Variants in NBPF12 observed in about 807,000 individuals in gnomAD.
The protein encoded by NBPF12 is NBPF member 12.
In NBPF12, 115 loss-of-function variants were observed where a neutral mutation model predicts 146.4. The ratio of observed to expected loss-of-function variants is 0.79; its 90% CI spans 0.68 to 0.92. The LOEUF (loss-of-function observed/expected upper bound fraction) is 0.92. Among genes scored for constraint, NBPF12 ranks in the 40% least tolerant of loss-of-function variants. NBPF12 has a pLI of 0.00. For synonymous variants in NBPF12, 385 were observed against 508.9 expected (o/e 0.76, Z 3.28); for missense variants, 1,205 against 1,326.8 (o/e 0.91, Z 1.43).
chr1:146,946,408 C>G (rs1175628941), upstream of NBPF12, among the ~76,000 whole-genome samples: 2 of 149,182 alleles, frequency 1.3e-5, no homozygotes, highest in Non-Finnish European at 3.0e-5. Flanking sequence ...GGTGATATCT[C>G]GTTGTTTTAA....
intron 19 of NBPF12, among the ~76,000 whole-genome samples, chr1:146,981,292 A>T (rs1245915272): frequency 0.34 from 34,702 of 101,264 alleles, 5,907 homozygotes; most frequent in Admixed American, 0.41. Flanking sequence ...AAAAAAAAAA[A>T]AAATATATAT....
At chr1:146,938,643 T>C (rs1654640043), upstream of NBPF12, 1 of 151,430 alleles carries the variant, frequency 6.6e-6, no homozygotes, top group Non-Finnish European at 1.5e-5. Context: ...ATTACTCCTT[T>C]TCTCCGCCCG....
At chr1:146,966,666 C>G (rs1559521589) in exon 9 of NBPF12, 42 of 1,363,442 alleles carry the variant, frequency 3.1e-5, no homozygotes, top group Non-Finnish European at 4.2e-5. Flanking sequence ...AGCAGCAGAA[C>G]AAATACAGTA....
At chr1:146,938,758 C>G (rs1654643784) in exon 1 of NBPF12, 1 of 152,496 alleles carries the variant, frequency 6.6e-6, no homozygotes, top group Non-Finnish European at 1.5e-5. Context: ...CCTGAGGAGC[C>G]AGCGGGCCGC....
rs200909963 is a variant in NBPF12 at position 146,994,116 on chromosome 1, G to T, written c.4131-216G>T. Reference sequence around the variant, plus strand: ...TCTCTCTGTCTCTGTCTCTGTCTCTGTCTCTGTCTCTGTCTCTCTCTCTCT... The same window carrying T: ...TCTCTCTGTCTCTGTCTCTGTCTCTTTCTCTGTCTCTGTCTCTCTCTCTCT... On this transcript the variant is annotated intron_variant, in intron 33 of 33. Transcript: ENST00000617844. 2.3e-3 allele frequency among the ~76,000 whole-genome samples: 276 copies of T among 117,882 alleles called. 1 individual carries two copies. Among genetic ancestry groups the T allele is most frequent in the Non-Finnish European group, 3.7e-3 (223 of 60,528 alleles). The allele number at this position is 117,882 out of a possible 152,430, so 77.3% of individuals were successfully genotyped here.
intron 10 of NBPF12, 130 bp from the exon 14 acceptor site, chr1:146,969,252 C>G (rs1656420746): frequency 1.3e-5 from 13 of 1,025,668 alleles, no homozygotes. Context: ...ACAGTCATTC[C>G]TTTCAACATG....
intron 2 of NBPF12, among the ~76,000 whole-genome samples, chr1:146,954,742 C>T (rs1473231185): frequency 6.7e-6 from 1 of 149,302 alleles, no homozygotes; most frequent in African/African-American, 2.5e-5. Context: ...ACTCTACATA[C>T]AGCTATGAAA....
chr1:146,975,286 C>G (rs1195260225), intron 15 of NBPF12, among the ~76,000 whole-genome samples: 1 of 129,356 alleles, frequency 7.7e-6, no homozygotes, highest in Non-Finnish European at 1.6e-5. Context: ...TTCGCCCTAT[C>G]TGCATCTGGC....
chr1:146,969,017 G>C (rs1553886023), intron 10 of NBPF12, among the ~76,000 whole-genome samples: 2,058 of 151,542 alleles, frequency 0.014, 29 homozygotes, highest in Non-Finnish European at 0.022. Flanking sequence ...TTCTGTACAT[G>C]GCTTTGTGTC....
intron 23 of NBPF12, among the ~76,000 whole-genome samples, chr1:146,985,990 A>G (rs1267800888): frequency 6.6e-6 from 1 of 151,680 alleles, no homozygotes; most frequent in Non-Finnish European, 1.5e-5. Context: ...TGGCAACTGC[A>G]TGGAATCTTG....
Position 146,962,273 on chromosome 1 carries a change from C to A in NBPF12, c.278+10C>A. The A allele has an allele frequency of 5.6e-6, 9 of 1,601,400 alleles. No homozygotes were observed. The highest frequency in any genetic ancestry group is 3.4e-6 in the Non-Finnish European group (4 of 1,176,614). On this transcript the variant is annotated intron_variant, in intron 5 of 33. Transcript: ENST00000617844. ...AAGCTGAGGAGCTCAGGTGAGGGGA[C>A]CCCATGGGGGGAGGCAGGCGGGTAG...
At chr1:146,954,885 A>C (rs1264966625) in intron 2 of NBPF12, among the ~76,000 whole-genome samples, 2 of 121,086 alleles carry the variant, frequency 1.7e-5, no homozygotes, top group African/African-American at 6.3e-5. Context: ...ACACACCCAC[A>C]CACACACACA....
upstream of NBPF12, among the ~76,000 whole-genome samples, chr1:146,947,194 C>G (rs1342066316): frequency 2.6e-5 from 4 of 151,572 alleles, no homozygotes; most frequent in African/African-American, 9.7e-5. Flanking sequence ...GTGTAAGATT[C>G]CCCCTTAGTC....
exon 11 of NBPF12, chr1:146,969,528 A>G (rs1656437417): frequency 7.5e-7 from 1 of 1,340,854 alleles, no homozygotes; most frequent in Non-Finnish European, 1.1e-6. Flanking sequence ...TCCCAGGGGC[A>G]GGACCTCCAA....
intron 1 of NBPF12, among the ~76,000 whole-genome samples, chr1:146,939,223 G>A (rs1320589672): frequency 4.9e-4 from 74 of 152,154 alleles, no homozygotes; most frequent in Middle Eastern, 3.4e-3. Flanking sequence ...ACTCCCTGGC[G>A]GGTGTTCTGT....
At chr1:146,964,237 G>A (rs1656047289) in intron 6 of NBPF12, 120 bp from the exon 10 acceptor site, 1 of 1,470,820 alleles carries the variant, frequency 6.8e-7, no homozygotes, top group East Asian at 2.3e-5. Flanking sequence ...GATAAAACAT[G>A]AGAGTTTTCA....
Position 146,992,462 on chromosome 1 carries a change from CTGTGTGTGTGTG to C in NBPF12, c.3849-210_3849-199del, listed in dbSNP as rs1163182082. On this transcript the variant is annotated intron_variant, in intron 31 of 33. Coordinates refer to ENST00000617844, the Ensembl canonical transcript of NBPF12. ...TCTCTCTCTCTCTCTCTCTCTCTCT[CTGTGTGTGTGTG>C]TGTGTGTGTGTGTGTGTGTGTGTGT... 3.0e-3 allele frequency among the ~76,000 whole-genome samples: 199 copies of C among 66,198 alleles called. 1 individual carries two copies. The highest frequency in any genetic ancestry group is 6.8e-3 in the Middle Eastern group (1 of 148). The allele number at this position is 66,198 out of a possible 152,430, so 43.4% of individuals were successfully genotyped here. A position where few individuals can be genotyped will look rare whatever the true frequency, so the allele number is the denominator to read the frequency against.
At chr1:146,978,238 ATGTT>A (rs1389741241) in intron 18 of NBPF12, among the ~76,000 whole-genome samples, 10 of 143,590 alleles carry the variant, frequency 7.0e-5, no homozygotes, top group South Asian at 2.2e-4. Context: ...GGCTGATCCA[ATGTT>A]TGTTTGTAGC....
chr1:146,963,578 G>T (rs1205016765), intron 6 of NBPF12, among the ~76,000 whole-genome samples: 3 of 151,974 alleles, frequency 2.0e-5, no homozygotes, highest in African/African-American at 2.4e-5. Context: ...GGACAGGAAG[G>T]AGGCTGTGAT....
Sources: allele counts gnomAD v4.1 joint callset (sites outside exome capture counted in the v4.1 genomes callset), GRCh38; gene constraint gnomAD v4.1.1; transcripts MANE v1.5; gene names NCBI Gene and HGNC (gene_info 2026-07-23, HGNC 2026-07-21).